The following ANK1 variants were observed in gnomAD, a reference collection of about 807,000 sequenced individuals.
The protein encoded by ANK1 is ankyrin-1.
ANK1 carries 51 observed loss-of-function variants against 210.4 expected under a neutral mutation model. The ratio of observed to expected loss-of-function variants is 0.24; its 90% CI spans 0.19 to 0.31. The LOEUF is 0.31. Among genes scored for constraint, ANK1 ranks in the 10% least tolerant of loss-of-function variants. ANK1 has a pLI of 1.00. For missense variants in ANK1, 2,051 were observed against 2,504.4 expected, an observed-to-expected ratio of 0.82 and a Z score of 3.86; for synonymous variants, 967 against 1,025.9, an observed-to-expected ratio of 0.94 and a Z score of 1.10.
At chr8:41,713,478 C>T (rs1469351975) in intron 16 of ANK1, among the ~76,000 whole-genome samples, 2 of 152,240 alleles carry the variant, frequency 1.3e-5, no homozygotes, top group Non-Finnish European at 2.9e-5. Flanking sequence ...TCAAGGGTCA[C>T]GGAACCTGCT....
At chr8:41,792,723 G>A (rs1480017940) in intron 1 of ANK1, among the ~76,000 whole-genome samples, 1 of 152,206 alleles carries the variant, frequency 6.6e-6, no homozygotes, top group East Asian at 1.9e-4. Flanking sequence ...GAGTTCAGAG[G>A]AAGGAGAAAC....
chr8:41,805,913 A>G (rs186720247), intron 1 of ANK1, among the ~76,000 whole-genome samples: 1 of 152,252 alleles, frequency 6.6e-6, no homozygotes, highest in Non-Finnish European at 1.5e-5. Context: ...GAGTATTTTA[A>G]TAGCCTTTTC....
intron 1 of ANK1, among the ~76,000 whole-genome samples, chr8:41,856,614 A>G (rs1812212359): frequency 6.6e-6 from 1 of 152,214 alleles, no homozygotes; most frequent in Non-Finnish European, 1.5e-5. Flanking sequence ...ACTAATCCAA[A>G]AATCTGAAAT....
At chr8:41,663,590 C>G (rs2150547932) in intron 40 of ANK1, 69 bp downstream of exon 40, 1 of 1,487,024 alleles carries the variant, frequency 6.7e-7, no homozygotes, top group Middle Eastern at 2.0e-4. Context: ...AAGCCACTGG[C>G]TTCTACCACC....
intron 1 of ANK1, among the ~76,000 whole-genome samples, chr8:41,806,896 T>A (rs1032230064): frequency 1.8e-4 from 28 of 152,200 alleles, no homozygotes; most frequent in East Asian, 3.9e-4. Flanking sequence ...TGCTAACAGT[T>A]TTACCATCCA....
chr8:41,757,640 G>A (rs907105724), intron 2 of ANK1, among the ~76,000 whole-genome samples: 1 of 152,208 alleles, frequency 6.6e-6, no homozygotes, highest in African/African-American at 2.4e-5. Context: ...TTTCTTCTCA[G>A]GCTAGCCGAG....
chr8:41,714,429 G>A (rs1827058531), intron 15 of ANK1, among the ~76,000 whole-genome samples, 175 bp from the exon 16 acceptor site: 1 of 152,202 alleles, frequency 6.6e-6, no homozygotes, highest in Non-Finnish European at 1.5e-5. Context: ...CCAGAGCCCT[G>A]TGGGAACAGG....
intron 1 of ANK1, among the ~76,000 whole-genome samples, chr8:41,814,237 G>A (rs879904091): frequency 2.0e-5 from 3 of 152,032 alleles, no homozygotes; most frequent in Admixed American, 1.3e-4. Flanking sequence ...GCAGGCACCT[G>A]TAGTCCCAGC....
intron 3 of ANK1, among the ~76,000 whole-genome samples, chr8:41,732,721 T>TCTTA (rs1185718551): frequency 6.6e-6 from 1 of 150,956 alleles, no homozygotes; most frequent in Non-Finnish European, 1.5e-5. Context: ...CCTTGTTTCG[T>TCTTA]TTTATTTATT....
At chr8:41,861,856 G>A (rs1162074482) in intron 1 of ANK1, among the ~76,000 whole-genome samples, 1 of 152,196 alleles carries the variant, frequency 6.6e-6, no homozygotes, top group Non-Finnish European at 1.5e-5. Flanking sequence ...TGAACTTTCT[G>A]AGCACGCCTT....
At chr8:41,761,845 T>A (rs1382647648) in intron 1 of ANK1, among the ~76,000 whole-genome samples, 5 of 152,028 alleles carry the variant, frequency 3.3e-5, no homozygotes, top group Non-Finnish European at 7.4e-5. Flanking sequence ...GGGTCCTCCC[T>A]CCACACTCAG....
chr8:41,804,683 C>T (rs1850658052), intron 1 of ANK1, among the ~76,000 whole-genome samples: 1 of 152,174 alleles, frequency 6.6e-6, no homozygotes, highest in African/African-American at 2.4e-5. Flanking sequence ...GCTCAGGCTA[C>T]CAGTTTAGGA....
intron 1 of ANK1, among the ~76,000 whole-genome samples, chr8:41,880,254 C>T (rs1021197924): frequency 2.0e-4 from 30 of 152,126 alleles, no homozygotes; most frequent in African/African-American, 5.8e-4. Context: ...TTTCACGCTC[C>T]GCCGGCGGAG....
At chr8:41,803,970 TG>T (rs1850554553) in intron 1 of ANK1, among the ~76,000 whole-genome samples, 1 of 152,212 alleles carries the variant, frequency 6.6e-6, no homozygotes, top group South Asian at 2.1e-4. Flanking sequence ...TAAGTTATAT[TG>T]GTTATTTTAA....
At chr8:41,896,271 G>A (rs1398270739) in intron 1 of ANK1, 2 of 1,447,950 alleles carry the variant, frequency 1.4e-6, no homozygotes, top group African/African-American at 3.0e-5. Flanking sequence ...GCGCCCCACC[G>A]CGTCCCGGGC....
chr8:41,696,806 C>A (rs1342373611), intron 24 of ANK1, 33 bp from the exon 25 acceptor site: 1 of 1,577,586 alleles, frequency 6.3e-7, no homozygotes, highest in African/African-American at 1.3e-5. Context: ...CCTGTCCCAC[C>A]TCCTCCCGGG....
chr8:41,702,209 C>T (rs1470646240), intron 20 of ANK1, 65 bp from the exon 21 acceptor site: 10 of 1,364,128 alleles, frequency 7.3e-6, no homozygotes, highest in South Asian at 1.2e-5. Flanking sequence ...GGGCTGGCTC[C>T]CTAGACACAG....
intron 1 of ANK1, among the ~76,000 whole-genome samples, chr8:41,826,190 ATCC>A: frequency 6.6e-6 from 1 of 151,960 alleles, no homozygotes; most frequent in Admixed American, 6.6e-5. Flanking sequence ...GAGATTTCTA[ATCC>A]TCCCTTTGCT....
At chr8:41,860,607 A>C (rs868527239) in intron 1 of ANK1, among the ~76,000 whole-genome samples, 1 of 152,316 alleles carries the variant, frequency 6.6e-6, no homozygotes, top group Middle Eastern at 3.4e-3. Flanking sequence ...TGGGGGAAGG[A>C]AAGAACCTAA....
Sources: gnomAD v4.1 joint callset for allele counts (sites outside exome capture counted in the v4.1 genomes callset) on GRCh38, gnomAD v4.1.1 for gene constraint, MANE v1.5 for transcripts, NCBI Gene and HGNC (gene_info 2026-07-23, HGNC 2026-07-21) for gene names.